The following IGF2BP2 variants were observed in gnomAD, a reference collection of about 807,000 sequenced individuals.
The protein encoded by IGF2BP2 is insulin like growth factor 2 mRNA binding protein 2.
IGF2BP2 carries 17 observed loss-of-function variants against 75.8 expected under a neutral mutation model. That is an observed-to-expected ratio of 0.22 (90% CI 0.15 to 0.34). The LOEUF is 0.34. Ranked by LOEUF, IGF2BP2 falls within the 10% of genes least tolerant of loss-of-function variation. The pLI, the probability that IGF2BP2 is intolerant of heterozygous loss-of-function variation, is 1.00. For missense variants in IGF2BP2, 516 were observed against 772.4 expected (o/e 0.67, Z 3.93); for synonymous variants, 288 against 295.6 (o/e 0.97, Z 0.26).
intron 7 of IGF2BP2, among the ~76,000 whole-genome samples, chr3:185,678,840 T>C (rs1234567825): frequency 1.3e-5 from 2 of 152,236 alleles, no homozygotes; most frequent in Admixed American, 1.3e-4. Context: ...AATTGTTGTA[T>C]CTCCTTGGTG....
At chr3:185,680,984 CAACGATGAAAGA>C (rs1720301855) in intron 7 of IGF2BP2, among the ~76,000 whole-genome samples, 1 of 152,158 alleles carries the variant, frequency 6.6e-6, no homozygotes, top group African/African-American at 2.4e-5. Flanking sequence ...ACATCACACT[CAACGATGAAAGA>C]CTGAATGCAA....
intron 2 of IGF2BP2, chr3:185,717,577 A>C (rs1725838338): frequency 6.6e-6 from 1 of 152,282 alleles, no homozygotes; most frequent in Non-Finnish European, 1.5e-5. Flanking sequence ...CTAGAAGAAA[A>C]GAAGCCCATG....
At chr3:185,653,821 G>A (rs1714995879) in intron 12 of IGF2BP2, among the ~76,000 whole-genome samples, 1 of 152,176 alleles carries the variant, frequency 6.6e-6, no homozygotes, top group Admixed American at 6.5e-5. Flanking sequence ...CCAAAGTAGG[G>A]ATTCAAGGGA....
chr3:185,745,269 G>C (rs1171602375), intron 2 of IGF2BP2, among the ~76,000 whole-genome samples: 2 of 152,226 alleles, frequency 1.3e-5, no homozygotes, highest in African/African-American at 4.8e-5. Flanking sequence ...AGATCAGGAA[G>C]CACAAGCTTC....
chr3:185,705,713 G>C (rs1030418845), intron 2 of IGF2BP2, among the ~76,000 whole-genome samples: 1 of 152,198 alleles, frequency 6.6e-6, no homozygotes, highest in Non-Finnish European at 1.5e-5. Flanking sequence ...CAGATTTGCT[G>C]TCTGCTGAGG....
chr3:185,723,283 C>G (rs1194641699), intron 2 of IGF2BP2, among the ~76,000 whole-genome samples: 1 of 152,168 alleles, frequency 6.6e-6, no homozygotes, highest in African/African-American at 2.4e-5. Context: ...TGGAAATGAT[C>G]ATATTTCCAA....
intron 2 of IGF2BP2, among the ~76,000 whole-genome samples, chr3:185,816,240 C>T (rs1396937450): frequency 6.6e-6 from 1 of 152,144 alleles, no homozygotes; most frequent in African/African-American, 2.4e-5. Flanking sequence ...CTTGTTATGT[C>T]AGGAACACAA....
rs765330156 is a variant in IGF2BP2, at chr3:185,689,642, G to A, written c.405-15C>T. 5 of 1,613,952 alleles carry A rather than the reference G, an allele frequency of 3.1e-6. No individual in the cohort carries two copies. Among genetic ancestry groups the A allele is most frequent in the Non-Finnish European group, 3.4e-6 (4 of 1,179,872 alleles). ...TCTCCATGGCTCTGAAATGCAGCAG[G>A]ACAGGGGAGCTTCGTCAGAAACCAA... On this transcript the variant is annotated splice_polypyrimidine_tract_variant and intron_variant, in intron 5 of 15. Coordinates refer to ENST00000382199, the MANE Select transcript of IGF2BP2 (RefSeq NM_006548.6).
intron 2 of IGF2BP2, among the ~76,000 whole-genome samples, chr3:185,738,531 A>G (rs1008637610): frequency 5.3e-5 from 8 of 152,178 alleles, no homozygotes; most frequent in African/African-American, 1.7e-4. Flanking sequence ...CAGAGAGGGG[A>G]GAACGAAAGA....
At chr3:185,760,214 A>G (rs1297956493) in intron 2 of IGF2BP2, among the ~76,000 whole-genome samples, 1 of 152,206 alleles carries the variant, frequency 6.6e-6, no homozygotes, top group Non-Finnish European at 1.5e-5. Context: ...TGCACATTTC[A>G]GTTTCTACCC....
chr3:185,804,419 C>T (rs1330986510), intron 2 of IGF2BP2, among the ~76,000 whole-genome samples: 5 of 147,586 alleles, frequency 3.4e-5, no homozygotes, highest in Non-Finnish European at 7.4e-5. Context: ...GCGACAAGAG[C>T]GAGACTTTGT....
chr3:185,802,113 T>C (rs191951079), intron 2 of IGF2BP2, among the ~76,000 whole-genome samples: 1 of 152,114 alleles, frequency 6.6e-6, no homozygotes, highest in East Asian at 1.9e-4. Flanking sequence ...CAAACCACCA[T>C]GGCACATGTA....
chr3:185,763,479 G>GTTAT (rs1001978621), intron 2 of IGF2BP2, among the ~76,000 whole-genome samples: 8 of 152,152 alleles, frequency 5.3e-5, no homozygotes, highest in Non-Finnish European at 2.9e-5. Context: ...TTGTTACTAT[G>GTTAT]GTTTGTGCTT....
intron 2 of IGF2BP2, among the ~76,000 whole-genome samples, chr3:185,782,776 C>T (rs1735376507): frequency 6.6e-6 from 1 of 152,164 alleles, no homozygotes; most frequent in African/African-American, 2.4e-5. Flanking sequence ...AAGGCTCTTA[C>T]ACAGAGAAGA....
At chr3:185,652,888 T>C (rs904868294) in intron 12 of IGF2BP2, among the ~76,000 whole-genome samples, 4 of 152,146 alleles carry the variant, frequency 2.6e-5, no homozygotes, top group Admixed American at 2.6e-4. Flanking sequence ...CTCAGCTCAC[T>C]ACAACCTCTA....
intron 5 of IGF2BP2, 94 bp downstream of exon 5, chr3:185,692,605 A>C: frequency 8.7e-7 from 1 of 1,155,534 alleles, no homozygotes. Flanking sequence ...AAAGATCTGC[A>C]TCTTTTTAGA....
At chr3:185,821,232 G>A in intron 2 of IGF2BP2, 5 of 952,882 alleles carry the variant, frequency 5.2e-6, no homozygotes, top group Non-Finnish European at 7.3e-6. Context: ...TAGAGCAGCA[G>A]CTTATGCATA....
chr3:185,710,549 A>G (rs866097032), intron 2 of IGF2BP2, among the ~76,000 whole-genome samples: 2 of 152,300 alleles, frequency 1.3e-5, no homozygotes, highest in Middle Eastern at 3.4e-3. Flanking sequence ...CCTGGCCAAC[A>G]TGGTGAAACC....
chr3:185,653,169 A>G (rs1047096034), intron 12 of IGF2BP2, among the ~76,000 whole-genome samples: 5 of 152,126 alleles, frequency 3.3e-5, no homozygotes, highest in Non-Finnish European at 5.9e-5. Flanking sequence ...CTCTTGTAAC[A>G]CGACTCAAAC....
Sources: allele counts gnomAD v4.1 joint callset (sites outside exome capture counted in the v4.1 genomes callset), GRCh38; gene constraint gnomAD v4.1.1; transcripts MANE v1.5; gene names NCBI Gene and HGNC (gene_info 2026-07-23, HGNC 2026-07-21).